FMN1: variants seen among roughly 807,000 people sequenced by gnomAD.
The protein encoded by FMN1 is formin-1.
FMN1 carries 110 observed loss-of-function variants against 132.4 expected under a neutral mutation model. The observed-to-expected ratio is 0.83, with a 90% CI of 0.71 to 0.97. FMN1 has a LOEUF of 0.97. Ranked by LOEUF, FMN1 falls within the 50% of genes least tolerant of loss-of-function variation. FMN1 has a pLI of 0.00. For missense variants in FMN1, 1,792 were observed against 1,705.3 expected (o/e 1.05, Z -0.90); for synonymous variants, 722 against 651.7 (o/e 1.11, Z -1.64).
intron 16 of FMN1, among the ~76,000 whole-genome samples, chr15:32,866,672 TTTC>T (rs912600635): frequency 6.6e-6 from 1 of 152,218 alleles, no homozygotes; most frequent in Non-Finnish European, 1.5e-5. Flanking sequence ...CTTTTTCCTA[TTTC>T]TTGTTTCATG....
chr15:32,838,050 T>C (rs2058666695), intron 17 of FMN1, among the ~76,000 whole-genome samples: 1 of 151,596 alleles, frequency 6.6e-6, no homozygotes. Context: ...CGGGGAGCAA[T>C]GAAGGCAAGA....
At chr15:32,775,078 G>A (rs1042758036) in intron 20 of FMN1, among the ~76,000 whole-genome samples, 4 of 152,178 alleles carry the variant, frequency 2.6e-5, no homozygotes, top group Non-Finnish European at 4.4e-5. Context: ...GGCTAAAATG[G>A]AAAAGGGAGA....
intron 4 of FMN1, among the ~76,000 whole-genome samples, chr15:33,114,212 G>A (rs1240799016): frequency 1.3e-5 from 2 of 152,190 alleles, no homozygotes; most frequent in Non-Finnish European, 2.9e-5. Context: ...GGCACCACAT[G>A]GCCTCCTAGG....
chr15:33,030,373 T>A (rs2035880201), intron 6 of FMN1, among the ~76,000 whole-genome samples: 1 of 152,250 alleles, frequency 6.6e-6, no homozygotes, highest in Non-Finnish European at 1.5e-5. Context: ...AAAGTTCATC[T>A]TGAAAGTCAC....
intron 17 of FMN1, among the ~76,000 whole-genome samples, chr15:32,839,871 C>CTTA (rs961282030): frequency 6.6e-6 from 1 of 151,828 alleles, no homozygotes; most frequent in African/African-American, 2.4e-5. Context: ...TGTTAATTTG[C>CTTA]TTATAATTAT....
chr15:33,056,682 A>G (rs1304258357), intron 6 of FMN1, among the ~76,000 whole-genome samples: 2 of 152,222 alleles, frequency 1.3e-5, no homozygotes, highest in Non-Finnish European at 2.9e-5. Context: ...TGTAACAGCC[A>G]CAAACTTTGA....
At chr15:32,811,330 G>A (rs973078130) in intron 17 of FMN1, among the ~76,000 whole-genome samples, 5 of 152,198 alleles carry the variant, frequency 3.3e-5, no homozygotes, top group Non-Finnish European at 7.3e-5. Context: ...TAAAGTTGAA[G>A]AGTAGAGGGC....
rs201979446 is a variant in FMN1 at position 32,890,135 on chromosome 15, G to GTA, written c.3715-1845_3715-1844dup. Among the ~76,000 whole-genome samples, 185 of 137,224 alleles carry GTA rather than the reference G, an allele frequency of 1.3e-3. 3 individuals carry two copies. The highest frequency in any genetic ancestry group is 5.0e-3 in the South Asian group (22 of 4,368). The allele number at this position is 137,224 out of a possible 152,430, so 90.0% of individuals were successfully genotyped here. A position where few individuals can be genotyped will look rare whatever the true frequency, so the allele number is the denominator to read the frequency against. The stretch of plus-strand genomic sequence containing the variant: ...TTTTATGGCTGAGTAGTATTCGATT[G>GTA]TATATATATATATCAGTTTCTTTAA... On this transcript the variant is annotated intron_variant, in intron 15 of 20. Transcript: ENST00000616417.
Position 33,154,472 on chromosome 15 carries a change from A to G in FMN1, c.443T>C (p.Leu148Pro), listed in dbSNP as rs1964587140. 6.5e-7 allele frequency: 1 copy of G among 1,535,692 alleles called. No homozygotes were observed. The highest frequency in any genetic ancestry group is 8.7e-7 in the Non-Finnish European group (1 of 1,146,898). The change falls in exon 4 of 21, where the codon CTC becomes CCC. Residue 148 changes from leucine to proline, a missense_variant. Coordinates refer to ENST00000616417, the MANE Select transcript of FMN1 (RefSeq NM_001277313.2). ...GTTCCCGTGGGTGCTCCTCTTATTG[A>G]GAGGGCCCACGGGGAGCTCTCCCTG... ...DWQGELPVGP[L>P]NKRSTHGNKK...
intron 6 of FMN1, among the ~76,000 whole-genome samples, chr15:33,043,974 T>C (rs1229551103): frequency 6.6e-6 from 1 of 152,252 alleles, no homozygotes; most frequent in African/African-American, 2.4e-5. Flanking sequence ...CCCCTTTCCC[T>C]ACAGGCTCAA....
At chr15:33,107,567 C>T (rs2039534494) in intron 4 of FMN1, among the ~76,000 whole-genome samples, 1 of 152,062 alleles carries the variant, frequency 6.6e-6, no homozygotes, top group Non-Finnish European at 1.5e-5. Context: ...CTCATTCCTG[C>T]CTTTGGCATT....
chr15:32,822,086 T>TACCTG (rs763138045), intron 17 of FMN1, among the ~76,000 whole-genome samples: 4 of 152,158 alleles, frequency 2.6e-5, no homozygotes, highest in Non-Finnish European at 4.4e-5. Flanking sequence ...ATCTGTGAGA[T>TACCTG]ACCTGTAATC....
intron 17 of FMN1, among the ~76,000 whole-genome samples, chr15:32,809,700 C>T (rs2057806711): frequency 6.6e-6 from 1 of 152,084 alleles, no homozygotes; most frequent in South Asian, 2.1e-4. Flanking sequence ...GAGGGGCCCT[C>T]CATGCCTCTC....
chr15:33,170,484 A>G (rs1031378661), intron 3 of FMN1, among the ~76,000 whole-genome samples: 2 of 152,030 alleles, frequency 1.3e-5, no homozygotes, highest in African/African-American at 4.8e-5. Context: ...AATGGGAGAA[A>G]TATTTGTAAA....
intron 17 of FMN1, among the ~76,000 whole-genome samples, chr15:32,827,763 G>C (rs537871224): frequency 3.5e-4 from 53 of 152,070 alleles, no homozygotes; most frequent in African/African-American, 1.2e-3. Context: ...AGAATGGCGT[G>C]AGTCCAGGAG....
chr15:33,150,139 G>T (rs1172201877), intron 4 of FMN1: 11 of 985,270 alleles, frequency 1.1e-5, no homozygotes, highest in Non-Finnish European at 1.3e-5. Flanking sequence ...TCCCAAGTAT[G>T]GTGAGCCAAG....
chr15:32,952,259 G>A (rs1161913013), intron 9 of FMN1, among the ~76,000 whole-genome samples: 2 of 152,152 alleles, frequency 1.3e-5, no homozygotes, highest in Non-Finnish European at 1.5e-5. Context: ...TGCTTTAGGC[G>A]TTTTACTGCT....
chr15:32,856,520 A>C (rs931422756), intron 17 of FMN1, among the ~76,000 whole-genome samples: 34 of 152,192 alleles, frequency 2.2e-4, no homozygotes, highest in Non-Finnish European at 4.4e-5. Context: ...ATAGGTAGCA[A>C]GTGATTGATG....
chr15:32,784,174 A>G (rs1289316718), intron 19 of FMN1, among the ~76,000 whole-genome samples: 2 of 152,180 alleles, frequency 1.3e-5, no homozygotes, highest in Non-Finnish European at 2.9e-5. Context: ...CACTATTGGA[A>G]AATCCAATAG....
Sources: allele counts gnomAD v4.1 joint callset (sites outside exome capture counted in the v4.1 genomes callset), GRCh38; gene constraint gnomAD v4.1.1; transcripts MANE v1.5; gene names NCBI Gene and HGNC (gene_info 2026-07-23, HGNC 2026-07-21).